NOS1: variants seen among roughly 807,000 people sequenced by gnomAD.
NOS1 encodes the protein NOS type I.
In NOS1, 51 loss-of-function variants were observed where a neutral mutation model predicts 164.5. That is an observed-to-expected ratio of 0.31 (90% CI 0.25 to 0.39). The LOEUF (loss-of-function observed/expected upper bound fraction) is 0.39, where lower values mean the gene tolerates loss of function less well. Among genes scored for constraint, NOS1 ranks in the 10% least tolerant of loss-of-function variants. NOS1 has a pLI of 1.00. For missense variants in NOS1, 1,362 were observed against 1,885.6 expected (o/e 0.72, Z 5.14); for synonymous variants, 719 against 745.8 (o/e 0.96, Z 0.59).
intron 9 of NOS1, among the ~76,000 whole-genome samples, chr12:117,277,132 T>A (rs539946365): frequency 1.0e-3 from 152 of 152,250 alleles, no homozygotes; most frequent in African/African-American, 3.5e-3. Context: ...TTTCTCTACA[T>A]CTTCACCAGC....
intron 1 of NOS1, among the ~76,000 whole-genome samples, chr12:117,358,344 T>A (rs1364904386): frequency 6.6e-6 from 1 of 151,234 alleles, no homozygotes; most frequent in Non-Finnish European, 1.5e-5. Context: ...CCTCTCACTC[T>A]TCTCCGTGCG....
In NOS1 at chr12:117,211,112, A is replaced by C; in HGVS notation, c.*4197T>G. 1 of 574,440 alleles carries C rather than the reference A, an allele frequency of 1.7e-6. No individual in the cohort carries two copies. The highest frequency in any genetic ancestry group is 2.2e-6 in the Non-Finnish European group (1 of 454,622). 35.6% of individuals were successfully genotyped at this position (574,440 alleles called of 1,614,324 possible). A position where few individuals can be genotyped will look rare whatever the true frequency, so the allele number is the denominator to read the frequency against. On this transcript the variant is annotated 3_prime_UTR_variant, in exon 29 of 29. Coordinates refer to ENST00000317775, the MANE Select transcript of NOS1 (RefSeq NM_000620.5). ...GCTGAGACTACAGGCGCATGCCACCATGCCCAGCTAATTTTTGTATTTTCT... is the reference window on the plus strand; with the variant it reads ...GCTGAGACTACAGGCGCATGCCACCCTGCCCAGCTAATTTTTGTATTTTCT...
At chr12:117,357,634 G>T (rs1392299188) in intron 1 of NOS1, among the ~76,000 whole-genome samples, 2 of 152,090 alleles carry the variant, frequency 1.3e-5, no homozygotes, top group Non-Finnish European at 2.9e-5. Context: ...GAGAGTATTA[G>T]AATCTCCTGG....
chr12:117,265,141 G>A (rs1341517689), intron 12 of NOS1, among the ~76,000 whole-genome samples, 175 bp downstream of exon 12: 3 of 152,012 alleles, frequency 2.0e-5, no homozygotes, highest in East Asian at 1.9e-4. Context: ...CCATCATGTC[G>A]GCCTCATATA....
At position 117,330,508 on chromosome 12, in the gene NOS1, C is replaced by T. The variant is rs529671468; in HGVS notation, c.562G>A (p.Ala188Thr). Residue 188 changes from alanine (A) to threonine (T), a missense_variant, in exon 2 of 29, where the codon GCG (alanine) becomes ACG (threonine). Ala to Thr is a moderately conservative substitution (Grantham distance 58, BLOSUM62 0). Coordinates refer to ENST00000317775, the MANE Select transcript of NOS1 (RefSeq NM_000620.5). The surrounding 1 kb of genome is among the most constrained non-coding windows in gnomAD (Gnocchi z 4.6). Reference sequence around the variant, plus strand: ...AGGCTGACTCTGGTTGCTTTCTTCGCGGGGTCCTGGCCTGGGGGCCTGGGG... The same window carrying T: ...AGGCTGACTCTGGTTGCTTTCTTCGTGGGGTCCTGGCCTGGGGGCCTGGGG... ...LAPRPPGQDPAKKATRVSLQG... is the reference protein window; with the variant it reads ...LAPRPPGQDPTKKATRVSLQG... The T allele has an allele frequency of 6.5e-5, 105 of 1,614,034 alleles. No individual in the cohort carries two copies. The Middle Eastern group carries it at 1.3e-3, about 20-fold the overall frequency.
intron 2 of NOS1, among the ~76,000 whole-genome samples, chr12:117,320,877 A>T (rs1566074773): frequency 6.6e-6 from 1 of 152,090 alleles, no homozygotes; most frequent in Non-Finnish European, 1.5e-5. Context: ...CTCAGTACAA[A>T]TGTTGTCTTT....
At chr12:117,280,889 C>G (rs1873592353) in intron 7 of NOS1, 23 bp from the exon 8 acceptor site, 1 of 1,611,456 alleles carries the variant, frequency 6.2e-7, no homozygotes, top group Non-Finnish European at 8.5e-7. Flanking sequence ...GAGGGGAACA[C>G]CCGGCATCAG....
chr12:117,305,602 C>A lies in NOS1; in HGVS notation c.852+5864G>T, dbSNP rs189670576. On this transcript the variant is annotated intron_variant, in intron 3 of 28. Coordinates refer to ENST00000317775, the MANE Select transcript of NOS1 (RefSeq NM_000620.5). ...CTATTAATTTGCTCACCCTGGGAAG[C>A]ATTTCTGAAGCCTGTGCCTATGGAG... Among the ~76,000 whole-genome samples, 26 of 152,162 alleles carry A rather than the reference C, an allele frequency of 1.7e-4. No homozygotes were observed. The East Asian group carries it at 2.1e-3, about 12-fold the overall frequency.
In NOS1 at chr12:117,226,751, G is replaced by A. The variant is rs751683825; in HGVS notation, c.3636C>T (p.His1212=). The A allele has an allele frequency of 1.9e-6, 3 of 1,613,998 alleles. No individual in the cohort carries two copies. The highest frequency in any genetic ancestry group is 2.5e-6 in the Non-Finnish European group (3 of 1,179,912). ...TGAGCCAGGAGGAGCATACGCCGTG[G>A]TGAATTGGTCCTTCTCCATCTAGTA... ...YRTRDGEGPI[H]HGVCSSWLNR... Residue 1212 remains histidine, a synonymous_variant, in exon 24 of 29, where the codon CAC becomes CAT. Coordinates refer to ENST00000317775, the MANE Select transcript of NOS1 (RefSeq NM_000620.5).
At chr12:117,230,228 G>C (rs892210033) in intron 22 of NOS1, among the ~76,000 whole-genome samples, 1 of 152,170 alleles carries the variant, frequency 6.6e-6, no homozygotes, top group South Asian at 2.1e-4. Context: ...CTTTAAATAA[G>C]ATAAAAACAG....
At chr12:117,313,035 A>C (rs992686986) in intron 2 of NOS1, among the ~76,000 whole-genome samples, 1 of 151,962 alleles carries the variant, frequency 6.6e-6, no homozygotes, top group African/African-American at 2.4e-5. Context: ...CATCACCATA[A>C]TCACCCTCAT....
chr12:117,265,799 T>A (rs1281068138), intron 11 of NOS1, among the ~76,000 whole-genome samples: 1 of 151,966 alleles, frequency 6.6e-6, no homozygotes, highest in Non-Finnish European at 1.5e-5. Flanking sequence ...TCTTTCTTTT[T>A]CTTTTTTTTG....
At chr12:117,324,259 T>C (rs12321917) in intron 2 of NOS1, among the ~76,000 whole-genome samples, 9,508 of 152,028 alleles carry the variant, frequency 0.063, 972 homozygotes, top group African/African-American at 0.21. Flanking sequence ...TCGGAAGAGG[T>C]TGACAACTAT....
intron 25 of NOS1, among the ~76,000 whole-genome samples, chr12:117,223,248 A>G (rs1466406730): frequency 1.3e-5 from 2 of 150,964 alleles, no homozygotes; most frequent in Non-Finnish European, 2.9e-5. Flanking sequence ...CAGCTCTGTG[A>G]TGAACAACTT....
rs1206767996 is a variant in NOS1, at chr12:117,213,079, C to G, written c.*2230G>C. The G allele has an allele frequency of 1.0e-6, 1 of 985,308 alleles. No individual in the cohort carries two copies. 61.0% of individuals were successfully genotyped at this position (985,308 alleles called of 1,614,324 possible). Reference sequence around the variant, plus strand: ...ATCTGTCTGCTACTAGAAAGGCAGGCACATGCAGAAAGGAGGTGCCTGGCA... The same window carrying G: ...ATCTGTCTGCTACTAGAAAGGCAGGGACATGCAGAAAGGAGGTGCCTGGCA... On this transcript the variant is annotated 3_prime_UTR_variant, in exon 29 of 29. Transcript: ENST00000317775.
intron 3 of NOS1, among the ~76,000 whole-genome samples, chr12:117,298,285 A>G (rs1430769338): frequency 2.0e-5 from 3 of 151,972 alleles, no homozygotes; most frequent in Non-Finnish European, 2.9e-5. Context: ...ACGAGCTCCT[A>G]TGAGAATCTA....
At position 117,253,547 on chromosome 12, in the gene NOS1, T is replaced by C. The variant is rs3741479; in HGVS notation, c.2648+91A>G. On this transcript the variant is annotated intron_variant, in intron 17 of 28. Transcript: ENST00000317775. ...ATGAGAAATGAATGGACACTACCTC[T>C]CCACAACGAAGCGCTCACTTTGTAA... 1,832 of 850,948 alleles carry C rather than the reference T, an allele frequency of 2.2e-3. 27 individuals are homozygous for C. The East Asian group carries it at 0.04, about 19-fold the overall frequency. The allele number at this position is 850,948 out of a possible 1,614,324, so 52.7% of individuals were successfully genotyped here.
At position 117,255,792 on chromosome 12, in the gene NOS1, A is replaced by G. The variant is rs1180428548; in HGVS notation, c.2532-2038T>C. The G allele has an allele frequency of 2.6e-5, 11 of 425,270 alleles. No individual in the cohort carries two copies. In the South Asian group the frequency reaches 1.0e-3, roughly 39 times the overall value. 26.3% of individuals were successfully genotyped at this position (425,270 alleles called of 1,614,324 possible). A position where few individuals can be genotyped will look rare whatever the true frequency, so the allele number is the denominator to read the frequency against. ...CCCACAGGGGTTAAGCGACTTGCTC[A>G]AGGTCACTTAGTGAGTTAGTGACAC... On this transcript the variant is annotated intron_variant, in intron 16 of 28. Transcript: ENST00000317775.
In NOS1 at chr12:117,272,256, T is replaced by C; in HGVS notation, c.1839+129A>G. ...CCCCTGGCATTTCCAGGGGCTTCTC[T>C]GGGATTGCAATTCTATTCTAACCCC... On this transcript the variant is annotated intron_variant, in intron 10 of 28. Coordinates refer to ENST00000317775, the MANE Select transcript of NOS1 (RefSeq NM_000620.5). The surrounding 1 kb of genome is among the most constrained non-coding windows in gnomAD (Gnocchi z 4.3). The C allele has an allele frequency of 1.0e-6, 1 of 956,804 alleles. No homozygotes were observed. Among genetic ancestry groups the C allele is most frequent in the African/African-American group, 1.6e-5 (1 of 60,684 alleles). 59.3% of individuals were successfully genotyped at this position (956,804 alleles called of 1,614,324 possible). A position where few individuals can be genotyped will look rare whatever the true frequency, so the allele number is the denominator to read the frequency against.
Sources: allele counts gnomAD v4.1 joint callset (sites outside exome capture counted in the v4.1 genomes callset), GRCh38; gene constraint gnomAD v4.1.1; non-coding constraint Gnocchi (gnomAD v3.1); transcripts MANE v1.5; gene names NCBI Gene and HGNC (gene_info 2026-07-23, HGNC 2026-07-21).